The following TLDC2 variants were observed in gnomAD, a reference collection of about 807,000 sequenced individuals.
TLDC2 encodes the protein TLD domain-containing protein 2.
In TLDC2, 23 loss-of-function variants were observed where a neutral mutation model predicts 27.9. The observed-to-expected ratio is 0.82, with a 90% confidence interval of 0.59 to 1.17. The LOEUF (loss-of-function observed/expected upper bound fraction) is 1.17, where lower values mean the gene tolerates loss of function less well. TLDC2 is among the 50% of genes most tolerant of loss of function. The pLI, the probability that TLDC2 is intolerant of heterozygous loss-of-function variation, is 0.00. For missense variants in TLDC2, 286 were observed against 273.4 expected, an observed-to-expected ratio of 1.05 and a Z score of -0.32; for synonymous variants, 124 against 107.4, an observed-to-expected ratio of 1.16 and a Z score of -0.96.
intron 4 of TLDC2, among the ~76,000 whole-genome samples, chr20:36,886,994 T>C (rs1017551270): frequency 6.6e-6 from 1 of 152,024 alleles, no homozygotes; most frequent in Non-Finnish European, 1.5e-5. Context: ...GAGGCTGTGA[T>C]CCAGGCAGAG....
chr20:36,879,736 G>T (rs775609266), intron 3 of TLDC2, among the ~76,000 whole-genome samples: 5 of 151,824 alleles, frequency 3.3e-5, no homozygotes, highest in Non-Finnish European at 7.4e-5. Flanking sequence ...AGGTGTGGTG[G>T]TGTATGCCTA....
chr20:36,879,639 C>G (rs1359710848), intron 3 of TLDC2, among the ~76,000 whole-genome samples: 1 of 151,916 alleles, frequency 6.6e-6, no homozygotes, highest in Non-Finnish European at 1.5e-5. Flanking sequence ...GAGATCAAGA[C>G]CAGCCTGGAC....
intron 6 of TLDC2, 134 bp from the exon 7 acceptor site, chr20:36,892,728 C>A: frequency 1.5e-6 from 1 of 660,152 alleles, no homozygotes. Flanking sequence ...TAAAAATAGG[C>A]AAGGTAATGC....
intron 6 of TLDC2, chr20:36,891,408 G>C (rs1267376439): frequency 2.0e-5 from 3 of 152,302 alleles, no homozygotes; most frequent in African/African-American, 4.8e-5. Context: ...TGCCAGGGAG[G>C]CTTAGTCCGG....
intron 5 of TLDC2, among the ~76,000 whole-genome samples, chr20:36,888,704 CAAAAAAAA>C (rs35828858): frequency 6.5e-4 from 41 of 62,766 alleles, no homozygotes; most frequent in Admixed American, 2.5e-3. Flanking sequence ...AGACTCCTAT[CAAAAAAAA>C]AAAAAAAAAA....
intron 4 of TLDC2, among the ~76,000 whole-genome samples, chr20:36,886,661 G>A (rs1475323090): frequency 6.6e-6 from 1 of 151,932 alleles, no homozygotes; most frequent in African/African-American, 2.4e-5. Flanking sequence ...GGTTGGTCTA[G>A]AACTCCTGAC....
rs147220022 is a variant in TLDC2, at chr20:36,892,837, A to G, written c.*18-25A>G. ...GTGTACATTCAAAATACAAAATTAA[A>G]GCATGAGTTGTCATTAATTTGCAGA... On this transcript the variant is annotated intron_variant, in intron 6 of 6. Transcript: ENST00000217320. The G allele has an allele frequency of 1.1e-3, 1,632 of 1,485,940 alleles. 1 individual carries two copies. Among genetic ancestry groups the G allele is most frequent in the Non-Finnish European group, 1.4e-3 (1,500 of 1,063,132 alleles). 92.0% of individuals were successfully genotyped at this position (1,485,940 alleles called of 1,614,324 possible). A position where few individuals can be genotyped will look rare whatever the true frequency, so the allele number is the denominator to read the frequency against.
In TLDC2 at chr20:36,889,291, G is replaced by A. The variant is rs1452135342; in HGVS notation, c.553G>A (p.Gly185Arg). 8.1e-6 allele frequency: 13 copies of A among 1,614,096 alleles called. No homozygotes were observed. The highest frequency in any genetic ancestry group is 3.3e-4 in the Middle Eastern group (2 of 6,062). ...GTGGTTGGATGGAGACTTGTTCCGC[G>A]GGGGAAGCTCCCCTTGCCCGACCTT... ...GLWLDGDLFR[G>R]GSSPCPTFNN... is the part of the protein sequence containing the mutation. The change falls in exon 6 of 7, where the codon GGG (glycine) becomes AGG (arginine). Residue 185 changes from glycine (G) to arginine (R), a missense_variant. Physicochemically the swap from Gly to Arg is moderately radical, Grantham distance 125. Coordinates refer to ENST00000217320, the MANE Select transcript of TLDC2 (RefSeq NM_080628.3).
At chr20:36,879,944 C>A (rs6065410) in intron 3 of TLDC2, among the ~76,000 whole-genome samples, 1 of 148,276 alleles carries the variant, frequency 6.7e-6, no homozygotes, top group African/African-American at 2.5e-5. Context: ...GGAAACATAC[C>A]AAAATATTAA....
At position 36,892,922 on chromosome 20, in the gene TLDC2, C is replaced by A; in HGVS notation, c.*78C>A. ...GGAGAGGGAGTTTGTAAACAACTGACTACAGACATTCACATTGGGTCATCT... is the reference window on the plus strand; with the variant it reads ...GGAGAGGGAGTTTGTAAACAACTGAATACAGACATTCACATTGGGTCATCT... On this transcript the variant is annotated 3_prime_UTR_variant, in exon 7 of 7. Coordinates refer to ENST00000217320, the MANE Select transcript of TLDC2 (RefSeq NM_080628.3). 6.2e-7 allele frequency: 1 copy of A among 1,613,918 alleles called. No individual in the cohort carries two copies.
rs148426788 is a variant in TLDC2, at chr20:36,889,288, C to T, written c.550C>T (p.Arg184Cys). 870 of 1,614,146 alleles carry T rather than the reference C, an allele frequency of 5.4e-4. 4 individuals are homozygous for T. The East Asian group carries it at 0.015, about 28-fold the overall frequency. The change falls in exon 6 of 7, where the codon CGC becomes TGC. Residue 184 changes from arginine (R) to cysteine (C), a missense_variant. Arg to Cys is a radical substitution (Grantham distance 180). Transcript: ENST00000217320. ...GCTGTGGTTGGATGGAGACTTGTTC[C>T]GCGGGGGAAGCTCCCCTTGCCCGAC... ...FGLWLDGDLF[R>C]GGSSPCPTFN...
intron 1 of TLDC2, among the ~76,000 whole-genome samples, chr20:36,877,251 G>A (rs1458089619): frequency 6.6e-6 from 1 of 151,792 alleles, no homozygotes; most frequent in Non-Finnish European, 1.5e-5. Flanking sequence ...CATGGTGGTG[G>A]GCACCTGTCA....
chr20:36,883,454 G>A (rs1989857001), intron 4 of TLDC2, among the ~76,000 whole-genome samples: 1 of 152,002 alleles, frequency 6.6e-6, no homozygotes, highest in African/African-American at 2.4e-5. Flanking sequence ...GGCATTTCCA[G>A]CTTACCATGT....
At chr20:36,876,322 A>C in intron 1 of TLDC2, 115 bp downstream of exon 1, 12 of 1,383,848 alleles carry the variant, frequency 8.7e-6, no homozygotes, top group Non-Finnish European at 1.2e-5. Flanking sequence ...TTCCCCTCTC[A>C]AGTCCCTCCC....
At chr20:36,881,391 A>G (rs1201863808) in intron 4 of TLDC2, among the ~76,000 whole-genome samples, 1 of 151,948 alleles carries the variant, frequency 6.6e-6, no homozygotes, top group Non-Finnish European at 1.5e-5. Flanking sequence ...AAAAAAAAAA[A>G]AAAGAAATAT....
intron 6 of TLDC2, 146 bp downstream of exon 6, chr20:36,889,549 G>C (rs1990009177): frequency 1.0e-6 from 1 of 972,032 alleles, no homozygotes; most frequent in Non-Finnish European, 1.5e-6. Context: ...GATACAGGTG[G>C]GGGCAGGCAC....
chr20:36,883,015 G>A (rs1408646229), intron 4 of TLDC2, among the ~76,000 whole-genome samples: 1 of 152,032 alleles, frequency 6.6e-6, no homozygotes, highest in East Asian at 1.9e-4. Context: ...TTTCTTCTGT[G>A]TTCTCGTCCA....
At chr20:36,876,673 TCA>T (rs566494916) in intron 1 of TLDC2, among the ~76,000 whole-genome samples, 2 of 149,796 alleles carry the variant, frequency 1.3e-5, no homozygotes, top group African/African-American at 2.4e-5. Flanking sequence ...ACACACACAC[TCA>T]CACACTCAAA....
intron 4 of TLDC2, among the ~76,000 whole-genome samples, chr20:36,881,216 C>CA (rs2148345719): frequency 6.6e-6 from 1 of 152,090 alleles, no homozygotes; most frequent in East Asian, 1.9e-4. Context: ...CCCATCTCTA[C>CA]AAAAAATACG....
Sources: gnomAD v4.1 joint callset for allele counts (sites outside exome capture counted in the v4.1 genomes callset) on GRCh38, gnomAD v4.1.1 for gene constraint, MANE v1.5 for transcripts, NCBI Gene and HGNC (gene_info 2026-07-23, HGNC 2026-07-21) for gene names.